The following TENM1 variants were observed in gnomAD, a reference collection of about 807,000 sequenced individuals.
TENM1 encodes teneurin-1.
A neutral mutation model predicts 174.8 loss-of-function variants in TENM1; 35 were observed. The ratio of observed to expected loss-of-function variants is 0.20; its 90% CI spans 0.15 to 0.27. TENM1 has a LOEUF of 0.27. Among genes scored for constraint, TENM1 ranks in the 10% least tolerant of loss-of-function variants. TENM1 has a pLI of 1.00. For missense variants in TENM1, 1,633 were observed against 2,130.1 expected (o/e 0.77, Z 4.59); for synonymous variants, 781 against 798.7 (o/e 0.98, Z 0.37).
At chrX:124,802,668 T>C (rs1315873765) in intron 3 of TENM1, among the ~76,000 whole-genome samples, 2 of 111,853 alleles carry the variant, frequency 1.8e-5, no homozygotes, top group Non-Finnish European at 3.8e-5. Context: ...TCGGTTGCCA[T>C]TGCAGGATCC....
the TENM1 span, among the ~76,000 whole-genome samples, chrX:125,028,951 G>A: frequency 9.0e-6 from 1 of 111,623 alleles, no homozygotes; most frequent in African/African-American, 3.3e-5. Context: ...ATAGGTATGC[G>A]AGAATTTGCT....
chrX:124,861,281 T>C (rs934723496), intron 3 of TENM1, among the ~76,000 whole-genome samples: 2 of 112,087 alleles, frequency 1.8e-5, no homozygotes, highest in African/African-American at 3.2e-5. Context: ...TGTTATGTTT[T>C]GTTTTTGCTT....
the TENM1 span, among the ~76,000 whole-genome samples, chrX:125,054,655 C>G: frequency 9.0e-6 from 1 of 111,678 alleles, no homozygotes; most frequent in East Asian, 2.8e-4. Flanking sequence ...GAGAAGAAAA[C>G]AGCAAGAGAA....
chrX:125,031,720 T>A, the TENM1 span, among the ~76,000 whole-genome samples: 2 of 112,013 alleles, frequency 1.8e-5, no homozygotes, highest in African/African-American at 6.5e-5. Context: ...GTGAACTTCA[T>A]CCATTCATGA....
the TENM1 span, among the ~76,000 whole-genome samples, chrX:125,004,942 G>A: frequency 2.7e-5 from 3 of 110,539 alleles, no homozygotes; most frequent in African/African-American, 3.3e-5. Flanking sequence ...ATATTGAAAC[G>A]ACTGGCTCAG....
the TENM1 span, among the ~76,000 whole-genome samples, chrX:125,077,445 A>G: frequency 9.0e-6 from 1 of 111,426 alleles, no homozygotes; most frequent in African/African-American, 3.3e-5. Context: ...TTTAGAGTAC[A>G]TTTCCTAGTT....
intron 11 of TENM1, among the ~76,000 whole-genome samples, chrX:124,577,011 C>T (rs2049182929): frequency 8.9e-6 from 1 of 112,203 alleles, no homozygotes; most frequent in African/African-American, 3.2e-5. Flanking sequence ...ACTTCAGTGG[C>T]AAAGCCAAAG....
chrX:124,936,289 C>T (rs1022061586), intron 1 of TENM1, among the ~76,000 whole-genome samples: 3 of 111,804 alleles, frequency 2.7e-5, no homozygotes, highest in Non-Finnish European at 3.8e-5. Context: ...CAAACTCTTT[C>T]GTGCCTTATA....
At chrX:125,003,928 C>T in the TENM1 span, among the ~76,000 whole-genome samples, 3 of 111,604 alleles carry the variant, frequency 2.7e-5, no homozygotes, top group East Asian at 2.8e-4. Context: ...TACACACACA[C>T]GTTCTCAGGT....
intron 4 of TENM1, among the ~76,000 whole-genome samples, chrX:124,707,931 T>C (rs1263722289): frequency 8.9e-6 from 1 of 112,608 alleles, no homozygotes; most frequent in Non-Finnish European, 1.9e-5. Context: ...ATTTGGGGAC[T>C]TCCCCCAGCC....
chrX:124,853,310 C>T (rs763691723), intron 3 of TENM1, among the ~76,000 whole-genome samples: 3 of 110,205 alleles, frequency 2.7e-5, no homozygotes, highest in Admixed American at 9.6e-5. Flanking sequence ...GGCAAAGGGC[C>T]GGAAAAAAAT....
In TENM1 at chrX:124,751,799, T is replaced by C. The variant is rs763072716; in HGVS notation, c.536-14602A>G. On this transcript the variant is annotated intron_variant, in intron 3 of 31. Transcript: ENST00000422452. ...GAATGATGATTTCCAATTTCATCCA[T>C]GTCCCTACAAAGGACATGAACTCAT... Among the ~76,000 whole-genome samples, 381 of 109,328 alleles carry C rather than the reference T, an allele frequency of 3.5e-3. 4 individuals carry two copies. The highest frequency in any genetic ancestry group is 0.01 in the African/African-American group (304 of 30,099). The allele number at this position is 109,328 out of a possible 115,157, so 94.9% of individuals were successfully genotyped here. A position where few individuals can be genotyped will look rare whatever the true frequency, so the allele number is the denominator to read the frequency against.
In TENM1 at chrX:124,426,741, C is replaced by T. The variant is rs556795167; in HGVS notation, c.4105-4103G>A. 8.9e-5 allele frequency among the ~76,000 whole-genome samples: 10 copies of T among 112,225 alleles called. 1 individual carries two copies. Among genetic ancestry groups the T allele is most frequent in the African/African-American group, 3.2e-4 (10 of 30,918 alleles). ...TTCTGTGCAGCTAGGAATTTGAGTG[C>T]TAATGGGGTATAAAGCTGAGCTTGT... On this transcript the variant is annotated intron_variant, in intron 23 of 31. Coordinates refer to ENST00000422452, the Ensembl canonical transcript of TENM1.
the TENM1 span, among the ~76,000 whole-genome samples, chrX:125,175,446 T>G: frequency 9.0e-6 from 1 of 111,636 alleles, no homozygotes; most frequent in African/African-American, 3.2e-5. Context: ...TAAGTGATAT[T>G]ATGACACCGG....
intron 1 of TENM1, among the ~76,000 whole-genome samples, chrX:124,941,835 A>T (rs1218438815): frequency 8.9e-6 from 1 of 111,932 alleles, no homozygotes; most frequent in Admixed American, 9.5e-5. Flanking sequence ...AAAGAGGTTT[A>T]GTGGACTCAC....
the TENM1 span, among the ~76,000 whole-genome samples, chrX:125,077,157 GA>G: frequency 4.5e-5 from 5 of 111,197 alleles, no homozygotes; most frequent in African/African-American, 1.6e-4. Context: ...GAAGGAACTG[GA>G]AGTTTTCCAT....
At chrX:125,117,944 T>C in the TENM1 span, among the ~76,000 whole-genome samples, 1 of 111,052 alleles carries the variant, frequency 9.0e-6, no homozygotes, top group Admixed American at 9.6e-5. Context: ...ACACTAACAA[T>C]AGCAAAAATA....
the TENM1 span, among the ~76,000 whole-genome samples, chrX:125,123,317 G>A: frequency 9.1e-6 from 1 of 110,413 alleles, no homozygotes; most frequent in Non-Finnish European, 1.9e-5. Context: ...GGGTGTGGTG[G>A]TTCACCCCCA....
chrX:124,778,096 T>C (rs2054824887), intron 3 of TENM1, among the ~76,000 whole-genome samples: 1 of 113,394 alleles, frequency 8.8e-6, no homozygotes. Context: ...CAGAGTTCAC[T>C]ACCAGGATAT....
Sources: allele counts gnomAD v4.1 joint callset (sites outside exome capture counted in the v4.1 genomes callset), GRCh38; gene constraint gnomAD v4.1.1; transcripts MANE v1.5; gene names NCBI Gene and HGNC (gene_info 2026-07-23, HGNC 2026-07-21).